PSD3: variants seen among roughly 807,000 people sequenced by gnomAD.
PSD3 encodes PH and SEC7 domain-containing protein 3.
Under a neutral mutation model 105.5 loss-of-function variants are expected in PSD3, and 49 were observed. The ratio of observed to expected loss-of-function variants is 0.46; its 90% confidence interval spans 0.37 to 0.59. The LOEUF (loss-of-function observed/expected upper bound fraction) is 0.59, where lower values mean the gene tolerates loss of function less well. Ranked by LOEUF, PSD3 falls within the 20% of genes least tolerant of loss-of-function variation. PSD3 has a pLI of 0.00. For missense variants in PSD3, 1,561 were observed against 1,263.8 expected (o/e 1.24, Z -3.57); for synonymous variants, 557 against 457.8 (o/e 1.22, Z -2.77).
At chr8:19,032,769 T>G (rs1247798457) in intron 1 of PSD3, among the ~76,000 whole-genome samples, 1 of 152,126 alleles carries the variant, frequency 6.6e-6, no homozygotes, top group Non-Finnish European at 1.5e-5. Context: ...ATTAGTAACT[T>G]ATAGCTGATG....
intron 9 of PSD3, among the ~76,000 whole-genome samples, chr8:18,696,506 C>T (rs998787391): frequency 6.6e-6 from 1 of 152,124 alleles, no homozygotes; most frequent in Non-Finnish European, 1.5e-5. Flanking sequence ...CTAAGCAGCA[C>T]GTTGCTCAGC....
At position 18,555,168 on chromosome 8, in the gene PSD3, C is replaced by T. The variant is rs564861029; in HGVS notation, c.2928+1041G>A. On this transcript the variant is annotated intron_variant, in intron 15 of 15. Coordinates refer to ENST00000327040, the MANE Select transcript of PSD3 (RefSeq NM_015310.4). ...AACCGGCCAAAGGATTTAGGATGAA[C>T]GGAAGGAGAGCGGAGTGAGAGGAGA... Among the ~76,000 whole-genome samples the T allele has an allele frequency of 5.3e-4, 81 of 151,904 alleles. No individual in the cohort carries two copies. The South Asian group carries it at 0.014, about 26-fold the overall frequency.
chr8:18,570,730 C>G (rs1300236891), intron 14 of PSD3, among the ~76,000 whole-genome samples: 1 of 151,768 alleles, frequency 6.6e-6, no homozygotes, highest in African/African-American at 2.4e-5. Context: ...AAATGCTCAT[C>G]ATCACTGGCC....
At chr8:18,972,743 G>A (rs1241871551) in intron 1 of PSD3, among the ~76,000 whole-genome samples, 1 of 152,158 alleles carries the variant, frequency 6.6e-6, no homozygotes, top group Non-Finnish European at 1.5e-5. Context: ...ACCAGAAAGA[G>A]GACACTCACC....
chr8:18,593,745 C>G (rs545379053), intron 12 of PSD3, among the ~76,000 whole-genome samples: 1 of 151,898 alleles, frequency 6.6e-6, no homozygotes, highest in Non-Finnish European at 1.5e-5. Flanking sequence ...CAGTGATAGA[C>G]TGGATTAAGA....
intron 4 of PSD3, among the ~76,000 whole-genome samples, chr8:18,842,192 C>G (rs536348249): frequency 6.6e-6 from 1 of 152,208 alleles, no homozygotes; most frequent in Non-Finnish European, 1.5e-5. Context: ...TGGCCCACAG[C>G]CAGAGCAGCT....
intron 11 of PSD3, among the ~76,000 whole-genome samples, chr8:18,628,634 A>G (rs1476388038): frequency 6.6e-6 from 1 of 152,012 alleles, no homozygotes; most frequent in Non-Finnish European, 1.5e-5. Flanking sequence ...AACTACTTTA[A>G]GTTTTAGAAC....
chr8:18,819,852 C>T (rs1397679007), intron 4 of PSD3, among the ~76,000 whole-genome samples: 36 of 152,350 alleles, frequency 2.4e-4, no homozygotes, highest in Admixed American at 2.3e-3. Flanking sequence ...GCTGGGTTTA[C>T]AGGCGTGAGC....
chr8:18,561,693 TA>T (rs1269937203), intron 14 of PSD3, among the ~76,000 whole-genome samples: 2 of 152,158 alleles, frequency 1.3e-5, no homozygotes, highest in Admixed American at 6.5e-5. Context: ...TTAAAATTGT[TA>T]AAAAAATATT....
rs554153565 is a variant in PSD3 at position 18,859,179 on chromosome 8, C to A, written c.1634+8495G>T. Reference sequence around the variant, plus strand: ...CATCTCCATCAGAGCTCCCGGGTGACCAGGCGTCTTGTCAATGAGTAGCAG... The same window carrying A: ...CATCTCCATCAGAGCTCCCGGGTGAACAGGCGTCTTGTCAATGAGTAGCAG... On this transcript the variant is annotated intron_variant, in intron 4 of 15. Transcript: ENST00000327040. 6.2e-4 allele frequency among the ~76,000 whole-genome samples: 94 copies of A among 151,914 alleles called. 1 individual carries two copies. Among genetic ancestry groups the A allele is most frequent in the Non-Finnish European group, 5.9e-5 (4 of 67,992 alleles).
At chr8:18,580,718 GA>G (rs1212373550) in intron 12 of PSD3, among the ~76,000 whole-genome samples, 3 of 152,054 alleles carry the variant, frequency 2.0e-5, no homozygotes, top group African/African-American at 7.2e-5. Context: ...TTTAGATAAC[GA>G]ACTGATTTTT....
chr8:19,047,799 G>T (rs1044385172), intron 1 of PSD3, among the ~76,000 whole-genome samples: 1 of 152,110 alleles, frequency 6.6e-6, no homozygotes, highest in African/African-American at 2.4e-5. Flanking sequence ...CAAGGTGTCT[G>T]TCCTCCAGGC....
chr8:18,622,299 C>A (rs1280157215), intron 11 of PSD3, among the ~76,000 whole-genome samples: 1 of 152,212 alleles, frequency 6.6e-6, no homozygotes, highest in African/African-American at 2.4e-5. Flanking sequence ...TTTCTTCCCA[C>A]CTCCTCTGTT....
At chr8:18,868,097 C>A (rs1817085560) in intron 3 of PSD3, 28 bp from the exon 4 acceptor site, 1 of 1,554,660 alleles carries the variant, frequency 6.4e-7, no homozygotes, top group Non-Finnish European at 8.7e-7. Flanking sequence ...GTGAAGAATT[C>A]CAATATTAGG....
intron 1 of PSD3, among the ~76,000 whole-genome samples, chr8:19,053,775 G>C (rs185783995): frequency 1.0e-3 from 159 of 152,098 alleles, no homozygotes; most frequent in African/African-American, 3.6e-3. Flanking sequence ...TTTATCACTA[G>C]ATCTGTGAGG....
chr8:18,695,538 G>C (rs1245353410), intron 9 of PSD3, among the ~76,000 whole-genome samples: 2 of 152,020 alleles, frequency 1.3e-5, no homozygotes, highest in Non-Finnish European at 2.9e-5. Context: ...TGTAATAACT[G>C]ACACATACGA....
intron 9 of PSD3, among the ~76,000 whole-genome samples, chr8:18,657,141 C>A (rs1585524196): frequency 6.6e-6 from 1 of 152,144 alleles, no homozygotes; most frequent in Non-Finnish European, 1.5e-5. Flanking sequence ...CAAGAAAAGG[C>A]AGGTTCAGAA....
At chr8:18,586,640 T>C (rs1281970376) in intron 12 of PSD3, among the ~76,000 whole-genome samples, 2 of 152,094 alleles carry the variant, frequency 1.3e-5, no homozygotes, top group East Asian at 3.9e-4. Context: ...ACTTCCGGAA[T>C]GGCTGGAATT....
At chr8:18,846,346 T>TGG (rs980128404) in intron 4 of PSD3, among the ~76,000 whole-genome samples, 2 of 152,162 alleles carry the variant, frequency 1.3e-5, no homozygotes, top group Non-Finnish European at 2.9e-5. Context: ...ACAGAGGCTG[T>TGG]GGGGCTACGA....
Sources: gnomAD v4.1 joint callset for allele counts (sites outside exome capture counted in the v4.1 genomes callset) on GRCh38, gnomAD v4.1.1 for gene constraint, MANE v1.5 for transcripts, NCBI Gene and HGNC (gene_info 2026-07-23, HGNC 2026-07-21) for gene names.